The following GALNTL6 variants were observed in gnomAD, a reference collection of about 807,000 sequenced individuals.
GALNTL6 encodes polypeptide N-acetylgalactosaminyltransferase-like 6.
GALNTL6 carries 46 observed loss-of-function variants against 73.7 expected under a neutral mutation model. The ratio of observed to expected loss-of-function variants is 0.62; its 90% CI spans 0.49 to 0.80. The LOEUF is 0.80. Ranked by LOEUF, GALNTL6 falls within the 30% of genes least tolerant of loss-of-function variation. The probability of loss-of-function intolerance (pLI) is 0.00; values close to 1 mark genes in which losing one functional copy is unlikely to be tolerated. For missense variants in GALNTL6, 604 were observed against 755.0 expected, an observed-to-expected ratio of 0.80 and a Z score of 2.34; for synonymous variants, 259 against 263.7, an observed-to-expected ratio of 0.98 and a Z score of 0.17.
chr4:172,413,717 A>C (rs1464621198), intron 5 of GALNTL6, among the ~76,000 whole-genome samples: 2 of 149,648 alleles, frequency 1.3e-5, no homozygotes, highest in African/African-American at 4.9e-5. Context: ...TGTAGGGATC[A>C]TATAGATTAC....
At position 172,219,426 on chromosome 4, in the gene GALNTL6, A is replaced by G. The variant is rs374393183; in HGVS notation, c.139-10230A>G. ...TAAATCTTTCTCAACATTTATTAAT[A>G]TGCCATTCAATTCCTATATTTATGT... On this transcript the variant is annotated intron_variant, in intron 2 of 12. Coordinates refer to ENST00000506823, the MANE Select transcript of GALNTL6 (RefSeq NM_001034845.3). 4.0e-5 allele frequency among the ~76,000 whole-genome samples: 6 copies of G among 151,738 alleles called. No individual in the cohort carries two copies. In the East Asian group the frequency reaches 1.2e-3, roughly 29 times the overall value.
At chr4:171,920,020 A>T (rs1027872132) in intron 2 of GALNTL6, among the ~76,000 whole-genome samples, 1 of 152,192 alleles carries the variant, frequency 6.6e-6, no homozygotes, top group Admixed American at 6.6e-5. Context: ...ATGTCTAACA[A>T]TGATAGACTG....
intron 9 of GALNTL6, among the ~76,000 whole-genome samples, chr4:172,936,926 C>T (rs1748649280): frequency 6.6e-6 from 1 of 151,940 alleles, no homozygotes. Context: ...GTCTATGAAC[C>T]GAGGTCTGTC....
At chr4:171,970,495 T>C (rs922634278) in intron 2 of GALNTL6, among the ~76,000 whole-genome samples, 2 of 152,228 alleles carry the variant, frequency 1.3e-5, no homozygotes, top group Non-Finnish European at 2.9e-5. Context: ...TTTCCTTCCA[T>C]GTATATTTGA....
intron 5 of GALNTL6, among the ~76,000 whole-genome samples, chr4:172,375,417 T>C (rs982823368): frequency 6.6e-6 from 1 of 152,170 alleles, no homozygotes; most frequent in Non-Finnish European, 1.5e-5. Flanking sequence ...CCCAATAGCT[T>C]TGGATGCATT....
chr4:172,419,018 T>C (rs190534927), intron 5 of GALNTL6, among the ~76,000 whole-genome samples: 140 of 152,276 alleles, frequency 9.2e-4, no homozygotes, highest in Non-Finnish European at 1.8e-3. Context: ...AATCAATTAA[T>C]CAATTGACCT....
intron 5 of GALNTL6, among the ~76,000 whole-genome samples, chr4:172,648,491 T>C (rs1740339428): frequency 6.6e-6 from 1 of 152,152 alleles, no homozygotes; most frequent in African/African-American, 2.4e-5. Flanking sequence ...ATATGAATTA[T>C]TAGAATTTCC....
At chr4:171,879,626 A>G (rs1736381403) in intron 2 of GALNTL6, among the ~76,000 whole-genome samples, 1 of 152,202 alleles carries the variant, frequency 6.6e-6, no homozygotes, top group Non-Finnish European at 1.5e-5. Context: ...TAGGAAACAA[A>G]TTTTAATAAA....
At chr4:171,951,817 A>G (rs1207587749) in intron 2 of GALNTL6, among the ~76,000 whole-genome samples, 1 of 152,068 alleles carries the variant, frequency 6.6e-6, no homozygotes, top group Non-Finnish European at 1.5e-5. Context: ...ATAGTATAGA[A>G]CTTTAATAAC....
intron 2 of GALNTL6, among the ~76,000 whole-genome samples, chr4:172,105,865 A>C (rs1359640623): frequency 6.6e-6 from 1 of 152,180 alleles, no homozygotes; most frequent in Admixed American, 6.5e-5. Context: ...TGAGCAAAAT[A>C]ATGTTTAAAT....
chr4:172,633,937 TCTGG>T (rs1441547670), intron 5 of GALNTL6, among the ~76,000 whole-genome samples: 1 of 152,236 alleles, frequency 6.6e-6, no homozygotes, highest in Non-Finnish European at 1.5e-5. Flanking sequence ...TCATTCGCCT[TCTGG>T]CATGATTGTG....
intron 11 of GALNTL6, among the ~76,000 whole-genome samples, chr4:173,011,174 TA>T (rs1752538414): frequency 6.6e-6 from 1 of 152,226 alleles, no homozygotes; most frequent in African/African-American, 2.4e-5. Context: ...AAATATCTAT[TA>T]AAATCTTCTG....
chr4:172,497,398 T>C (rs542016310), intron 5 of GALNTL6, among the ~76,000 whole-genome samples: 1 of 152,338 alleles, frequency 6.6e-6, no homozygotes, highest in South Asian at 2.1e-4. Flanking sequence ...CAAAATTACC[T>C]GATGATTTTT....
intron 5 of GALNTL6, among the ~76,000 whole-genome samples, chr4:172,609,212 G>A (rs950843093): frequency 6.6e-6 from 1 of 152,084 alleles, no homozygotes; most frequent in African/African-American, 2.4e-5. Flanking sequence ...GGGCATCCTT[G>A]TCTTGTTCCA....
At chr4:172,654,097 C>T (rs1173015828) in intron 5 of GALNTL6, among the ~76,000 whole-genome samples, 1 of 152,166 alleles carries the variant, frequency 6.6e-6, no homozygotes, top group Non-Finnish European at 1.5e-5. Context: ...ATCATTAAGC[C>T]ATTTTCGTTG....
At chr4:172,588,916 A>G (rs1737530549) in intron 5 of GALNTL6, among the ~76,000 whole-genome samples, 1 of 152,236 alleles carries the variant, frequency 6.6e-6, no homozygotes, top group Admixed American at 6.5e-5. Context: ...GTGGAGAAAA[A>G]TGGCTTAAAA....
intron 3 of GALNTL6, among the ~76,000 whole-genome samples, chr4:172,294,171 G>T (rs1179554775): frequency 1.3e-5 from 2 of 151,820 alleles, no homozygotes; most frequent in African/African-American, 2.4e-5. Context: ...TCCAAATTTT[G>T]TCTTCTCTCT....
chr4:172,950,369 C>T (rs570826530), intron 9 of GALNTL6, among the ~76,000 whole-genome samples: 48 of 152,262 alleles, frequency 3.2e-4, no homozygotes, highest in African/African-American at 1.1e-3. Flanking sequence ...CCTATCTATG[C>T]ACCCAGGCAC....
intron 2 of GALNTL6, among the ~76,000 whole-genome samples, chr4:171,913,991 G>A (rs549779349): frequency 1.3e-5 from 2 of 151,868 alleles, no homozygotes; most frequent in South Asian, 4.2e-4. Flanking sequence ...TAAAGCTACT[G>A]GAGTTATTAA....
Sources: allele counts gnomAD v4.1 joint callset (sites outside exome capture counted in the v4.1 genomes callset), GRCh38; gene constraint gnomAD v4.1.1; transcripts MANE v1.5; gene names NCBI Gene and HGNC (gene_info 2026-07-23, HGNC 2026-07-21).